The following PKHD1 variants were observed in gnomAD, a reference collection of about 807,000 sequenced individuals.
The protein encoded by PKHD1 is PKHD1 ciliary IPT domain containing fibrocystin/polyductin.
A neutral mutation model predicts 412.0 loss-of-function variants in PKHD1; 291 were observed. The observed-to-expected ratio is 0.71, with a 90% CI of 0.64 to 0.78. The LOEUF (loss-of-function observed/expected upper bound fraction) is 0.78. PKHD1 is among the 30% of genes least tolerant of loss of function. PKHD1 has a pLI of 0.00. For missense variants in PKHD1, 4,825 were observed against 4,950.7 expected (o/e 0.97, Z 0.76); for synonymous variants, 1,777 against 1,821.5 (o/e 0.98, Z 0.62).
intron 43 of PKHD1, among the ~76,000 whole-genome samples, chr6:51,894,241 TG>T (rs1205355860): frequency 6.6e-6 from 1 of 152,162 alleles, no homozygotes; most frequent in Non-Finnish European, 1.5e-5. Flanking sequence ...ACCACCAACT[TG>T]CTTTTGGAAA....
At chr6:51,788,675 G>T (rs1472889643) in intron 53 of PKHD1, among the ~76,000 whole-genome samples, 1 of 150,720 alleles carries the variant, frequency 6.6e-6, no homozygotes, top group Non-Finnish European at 1.5e-5. Context: ...ATGGCAAGAG[G>T]TAGTAAGGAT....
intron 34 of PKHD1, among the ~76,000 whole-genome samples, chr6:52,016,635 C>CAAAAAAAA (rs10579713): frequency 8.4e-6 from 1 of 118,914 alleles, no homozygotes; most frequent in Non-Finnish European, 1.7e-5. Flanking sequence ...GACTCTGTCT[C>CAAAAAAAA]AAAAAAAAAA....
intron 35 of PKHD1, among the ~76,000 whole-genome samples, chr6:51,970,769 A>G (rs1044623016): frequency 6.6e-6 from 1 of 152,062 alleles, no homozygotes; most frequent in Non-Finnish European, 1.5e-5. Flanking sequence ...TAGACATGTG[A>G]CTTTATTTCT....
chr6:51,945,449 G>A (rs1441765538), intron 36 of PKHD1, among the ~76,000 whole-genome samples: 1 of 152,198 alleles, frequency 6.6e-6, no homozygotes, highest in Admixed American at 6.5e-5. Context: ...AAAGTGGAAG[G>A]TGGAATTATG....
chr6:51,695,167 C>T (rs555981191), intron 60 of PKHD1, among the ~76,000 whole-genome samples: 3 of 151,994 alleles, frequency 2.0e-5, no homozygotes, highest in Non-Finnish European at 4.4e-5. Context: ...GAACAGAGAC[C>T]TTACTTCTTA....
At chr6:52,008,536 A>T (rs1799378380) in intron 35 of PKHD1, among the ~76,000 whole-genome samples, 1 of 152,236 alleles carries the variant, frequency 6.6e-6, no homozygotes, top group African/African-American at 2.4e-5. Context: ...GCCTAAAAAA[A>T]ATCAAAATTA....
rs754598286 is a variant in PKHD1, at chr6:51,659,634, C to G, written c.10492G>C (p.Val3498Leu). 6 of 1,613,760 alleles carry G rather than the reference C, an allele frequency of 3.7e-6. No individual in the cohort carries two copies. Among genetic ancestry groups the G allele is most frequent in the Non-Finnish European group, 5.1e-6 (6 of 1,179,840 alleles). ...NKSTSKLLLA[V>L]FYHELQSPHV... ...GGGCTCTGGAGCTCATGGTAGAATA[C>G]AGCCAAGAGAAGCTTGGAGGTACTT... The change falls in exon 61 of 67, where the codon GTA (valine) becomes CTA (leucine). Residue 3498 changes from valine (V) to leucine (L), a missense_variant. By Grantham distance (32) the Val-to-Leu change is conservative. Coordinates refer to ENST00000371117, the MANE Select transcript of PKHD1 (RefSeq NM_138694.4).
intron 60 of PKHD1, among the ~76,000 whole-genome samples, chr6:51,674,090 C>T (rs570398101): frequency 6.6e-6 from 1 of 152,268 alleles, no homozygotes; most frequent in African/African-American, 2.4e-5. Flanking sequence ...CTTATACTAA[C>T]AGTGGTGTAA....
chr6:51,927,507 G>C (rs971679606), intron 37 of PKHD1, among the ~76,000 whole-genome samples: 1 of 152,202 alleles, frequency 6.6e-6, no homozygotes, highest in Admixed American at 6.5e-5. Flanking sequence ...AGATGGGGAT[G>C]AGCCATCAGC....
chr6:51,920,449 A>T (rs1223021332), intron 37 of PKHD1, among the ~76,000 whole-genome samples: 3 of 151,204 alleles, frequency 2.0e-5, no homozygotes, highest in African/African-American at 7.3e-5. Context: ...CGTATATTGA[A>T]CCAGCCTTGC....
intron 50 of PKHD1, among the ~76,000 whole-genome samples, chr6:51,845,313 G>A (rs1418323139): frequency 6.6e-6 from 1 of 152,194 alleles, no homozygotes; most frequent in Non-Finnish European, 1.5e-5. Flanking sequence ...GGAGCAGGGT[G>A]AGCCTCAGTT....
In PKHD1 at chr6:52,025,730, C is replaced by T. The variant is rs1227531783; in HGVS notation, c.4080G>A (p.Glu1360=). 2 of 1,614,076 alleles carry T rather than the reference C, an allele frequency of 1.2e-6. No homozygotes were observed. The highest frequency in any genetic ancestry group is 2.7e-5 in the African/African-American group (2 of 74,926). The stretch of plus-strand genomic sequence containing the variant: ...GTACTTGGAGAGGATAGATGCCAGC[C>T]TCCAGACTGTGAAGAGGGATGGAGC... ...SGCSIPLHSL[E]AGIYPLQVRQ... is the part of the protein sequence containing the mutation. The change falls in exon 32 of 67, where the codon GAG becomes GAA. Residue 1360 remains glutamate, a synonymous_variant. Coordinates refer to ENST00000371117, the MANE Select transcript of PKHD1 (RefSeq NM_138694.4).
chr6:51,949,974 A>T (rs1211421999), intron 36 of PKHD1, among the ~76,000 whole-genome samples: 1 of 152,024 alleles, frequency 6.6e-6, no homozygotes, highest in Admixed American at 6.6e-5. Context: ...CTGCTTATGC[A>T]TCTCCCTGTT....
intron 61 of PKHD1, among the ~76,000 whole-genome samples, chr6:51,650,278 T>C (rs1005627128): frequency 6.6e-6 from 1 of 152,132 alleles, no homozygotes; most frequent in Non-Finnish European, 1.5e-5. Context: ...TAAAATTATA[T>C]ACCTATTGTC....
In PKHD1 at chr6:51,649,179, C is replaced by A; in HGVS notation, c.11216G>T (p.Arg3739Leu). 2 of 1,611,508 alleles carry A rather than the reference C, an allele frequency of 1.2e-6. No individual in the cohort carries two copies. The highest frequency in any genetic ancestry group is 2.7e-5 in the African/African-American group (2 of 74,902). The change falls in exon 62 of 67, where the codon CGG becomes CTG. Residue 3739 changes from arginine (R) to leucine (L), a missense_variant. By Grantham distance (102) the Arg-to-Leu change is moderately radical. Transcript: ENST00000371117. ...GACTAGGATGGAAAGTGCATAGGGC[C>A]GAATATATATCAAGTTCCCAGTTTT... ...SFKTGNLIYI[R>L]PYALSILVQP...
intron 60 of PKHD1, among the ~76,000 whole-genome samples, chr6:51,728,446 C>G (rs73442849): frequency 6.6e-6 from 1 of 152,138 alleles, no homozygotes; most frequent in East Asian, 1.9e-4. Context: ...CTACTCTTCC[C>G]CTGCTAGCAT....
chr6:51,930,630 T>C (rs564691260), intron 37 of PKHD1, among the ~76,000 whole-genome samples: 96 of 152,256 alleles, frequency 6.3e-4, no homozygotes, highest in African/African-American at 2.2e-3. Context: ...ATGCAGACCA[T>C]TTGTGTGATT....
At chr6:51,942,300 T>C (rs1005139652) in intron 36 of PKHD1, among the ~76,000 whole-genome samples, 3 of 151,634 alleles carry the variant, frequency 2.0e-5, no homozygotes, top group African/African-American at 7.2e-5. Flanking sequence ...CTGTGCCCTG[T>C]AGCCTTTTTA....
At chr6:51,778,692 G>A (rs77826961) in intron 53 of PKHD1, among the ~76,000 whole-genome samples, 21,853 of 151,918 alleles carry the variant, frequency 0.14, 1,707 homozygotes, top group African/African-American at 0.21. Context: ...GTACAAATGG[G>A]TTCCAGGAAC....
Sources: allele counts gnomAD v4.1 joint callset (sites outside exome capture counted in the v4.1 genomes callset), GRCh38; gene constraint gnomAD v4.1.1; transcripts MANE v1.5; gene names NCBI Gene and HGNC (gene_info 2026-07-23, HGNC 2026-07-21).